SYN3: variants seen among roughly 807,000 people sequenced by gnomAD.
SYN3 encodes the protein synapsin III, also known as synapsin-3.
Under a neutral mutation model 65.8 loss-of-function variants are expected in SYN3, and 35 were observed. The ratio of observed to expected loss-of-function variants is 0.53; its 90% confidence interval spans 0.41 to 0.70. SYN3 has a LOEUF of 0.70. Ranked by LOEUF, SYN3 falls within the 30% of genes least tolerant of loss-of-function variation. The pLI, the probability that SYN3 is intolerant of heterozygous loss-of-function variation, is 0.00. For missense variants in SYN3, 680 were observed against 749.0 expected, an observed-to-expected ratio of 0.91 and a Z score of 1.08; for synonymous variants, 270 against 292.9, an observed-to-expected ratio of 0.92 and a Z score of 0.80.
At chr22:33,037,202 A>C (rs1195094454) in intron 1 of SYN3, among the ~76,000 whole-genome samples, 1 of 152,180 alleles carries the variant, frequency 6.6e-6, no homozygotes, top group Non-Finnish European at 1.5e-5. Flanking sequence ...CATGTATGGC[A>C]ATCCTTTGTT....
At chr22:32,644,073 CAAAAAAAAAAAAAAA>C (rs1175308291) in intron 6 of SYN3, among the ~76,000 whole-genome samples, 1 of 3,904 alleles carries the variant, frequency 2.6e-4, no homozygotes, top group African/African-American at 5.3e-4. Context: ...GACTCTGCCT[CAAAAAAAAAAAAAAA>C]AAAAAAAAAA....
chr22:32,869,041 G>A lies in SYN3; in HGVS notation c.546C>T (p.Ile182=), dbSNP rs765182102. ...CAGGCAGCCCTCCATACTGCAGGCC[G>A]ATGACCAGGCTGCGGTAGTCTTCCC... The part of the protein sequence containing the change: ...ALGEDYRSLV[I]GLQYGGLPAV... The change falls in exon 5 of 14, where the codon ATC becomes ATT. Residue 182 remains isoleucine (I), a synonymous_variant. Coordinates refer to ENST00000358763, the MANE Select transcript of SYN3 (RefSeq NM_003490.4). The A allele has an allele frequency of 6.2e-6, 10 of 1,613,974 alleles. No individual in the cohort carries two copies. Among genetic ancestry groups the A allele is most frequent in the East Asian group, 4.5e-5 (2 of 44,864 alleles).
chr22:33,037,318 C>T (rs1427829841), intron 1 of SYN3, among the ~76,000 whole-genome samples: 1 of 152,152 alleles, frequency 6.6e-6, no homozygotes, highest in Non-Finnish European at 1.5e-5. Flanking sequence ...GCTCCAAAGT[C>T]TGAGCTCCTT....
intron 6 of SYN3, 193 bp downstream of exon 6, chr22:32,864,722 G>A (rs1439988916): frequency 3.8e-6 from 2 of 529,696 alleles, no homozygotes; most frequent in East Asian, 5.9e-5. Context: ...CCTATTGCCT[G>A]AATTTCACCT....
chr22:32,624,159 C>T (rs767440194), intron 6 of SYN3, among the ~76,000 whole-genome samples: 17 of 152,308 alleles, frequency 1.1e-4, no homozygotes, highest in Non-Finnish European at 2.2e-4. Context: ...GTGACATCAT[C>T]GCTCCCTCCC....
At chr22:32,696,275 G>A (rs532416379) in intron 6 of SYN3, among the ~76,000 whole-genome samples, 1 of 152,292 alleles carries the variant, frequency 6.6e-6, no homozygotes, top group East Asian at 1.9e-4. Flanking sequence ...GATCACATCT[G>A]TTCACATTCC....
intron 6 of SYN3, among the ~76,000 whole-genome samples, chr22:32,642,701 T>C (rs2059920333): frequency 6.6e-6 from 1 of 152,100 alleles, no homozygotes; most frequent in Non-Finnish European, 1.5e-5. Flanking sequence ...GTGCTGGGAT[T>C]ACAAGCGTGA....
chr22:32,858,132 C>T (rs766824701), intron 6 of SYN3: 2 of 1,613,862 alleles, frequency 1.2e-6, no homozygotes, highest in African/African-American at 2.7e-5. Context: ...TGGGTTGTAA[C>T]TGCAAGGTAA....
chr22:33,009,792 A>ACACT (rs1491381066), intron 1 of SYN3, among the ~76,000 whole-genome samples: 2 of 141,058 alleles, frequency 1.4e-5, no homozygotes, highest in Non-Finnish European at 3.0e-5. Context: ...ACACACACAC[A>ACACT]CTTATATATG....
chr22:32,979,405 A>G (rs2052306816), intron 3 of SYN3, among the ~76,000 whole-genome samples: 1 of 152,198 alleles, frequency 6.6e-6, no homozygotes, highest in Non-Finnish European at 1.5e-5. Context: ...CATTGGGTTG[A>G]CTTGAAAGCC....
chr22:32,826,354 G>A (rs550737070), intron 6 of SYN3, among the ~76,000 whole-genome samples: 11 of 152,212 alleles, frequency 7.2e-5, no homozygotes, highest in Non-Finnish European at 1.3e-4. Flanking sequence ...GCTTGAACCC[G>A]GGAGGCGGAG....
chr22:32,877,883 C>T (rs4437061), intron 4 of SYN3, among the ~76,000 whole-genome samples: 2,310 of 152,242 alleles, frequency 0.015, 16 homozygotes, highest in Middle Eastern at 0.048. Context: ...TTACCTTGTC[C>T]TCATAGGCAA....
intron 6 of SYN3, among the ~76,000 whole-genome samples, chr22:32,597,896 C>A (rs2146596630): frequency 6.6e-6 from 1 of 152,288 alleles, no homozygotes; most frequent in Middle Eastern, 3.4e-3. Context: ...TGTATACTTC[C>A]CCACACACAC....
At chr22:33,016,693 G>A (rs1239266634) in intron 1 of SYN3, among the ~76,000 whole-genome samples, 1 of 152,088 alleles carries the variant, frequency 6.6e-6, no homozygotes, top group Non-Finnish European at 1.5e-5. Context: ...TTAGCCACTT[G>A]TATGTCTTCT....
chr22:32,821,472 T>C (rs541488230), intron 6 of SYN3, among the ~76,000 whole-genome samples: 317 of 152,188 alleles, frequency 2.1e-3, no homozygotes, highest in African/African-American at 7.5e-3. Flanking sequence ...TTGATAGAAA[T>C]GGATTTATTA....
intron 6 of SYN3, among the ~76,000 whole-genome samples, chr22:32,775,092 A>G (rs1291899314): frequency 1.3e-5 from 2 of 152,204 alleles, no homozygotes; most frequent in Non-Finnish European, 2.9e-5. Context: ...TGGATGTCCA[A>G]GATCAAGGCT....
Position 32,962,508 on chromosome 22 carries a change from C to T in SYN3, c.369+18137G>A, listed in dbSNP as rs544962697. Among the ~76,000 whole-genome samples, 200 of 152,058 alleles carry T rather than the reference C, an allele frequency of 1.3e-3. 1 individual carries two copies. Among genetic ancestry groups the T allele is most frequent in the Admixed American group, 2.2e-3 (33 of 15,266 alleles). On this transcript the variant is annotated intron_variant, in intron 3 of 13. Coordinates refer to ENST00000358763, the MANE Select transcript of SYN3 (RefSeq NM_003490.4). Reference sequence around the variant, plus strand: ...GTTAAGGTAAGACTGAAAAGAAACCCAAAGCCACGCGGAAGCAGTATGATG... The same window carrying T: ...GTTAAGGTAAGACTGAAAAGAAACCTAAAGCCACGCGGAAGCAGTATGATG...
intron 6 of SYN3, among the ~76,000 whole-genome samples, chr22:32,761,702 G>T (rs1163860945): frequency 1.3e-5 from 2 of 152,192 alleles, no homozygotes; most frequent in East Asian, 1.9e-4. Context: ...TTGCGGGGAG[G>T]CCACAAAATT....
At chr22:32,583,552 C>G (rs2058979473) in intron 7 of SYN3, 1 of 152,294 alleles carries the variant, frequency 6.6e-6, no homozygotes, top group African/African-American at 2.4e-5. Context: ...ATGCCAGAAT[C>G]AGTGGGAAGA....
Sources: gnomAD v4.1 joint callset for allele counts (sites outside exome capture counted in the v4.1 genomes callset) on GRCh38, gnomAD v4.1.1 for gene constraint, MANE v1.5 for transcripts, NCBI Gene and HGNC (gene_info 2026-07-23, HGNC 2026-07-21) for gene names.